The following ZC3H12B variants were observed in gnomAD, a reference collection of about 807,000 sequenced individuals.
The protein encoded by ZC3H12B is probable ribonuclease ZC3H12B.
Under a neutral mutation model 43.9 loss-of-function variants are expected in ZC3H12B, and 7 were observed. The ratio of observed to expected loss-of-function variants is 0.16; its 90% CI spans 0.09 to 0.30. The LOEUF (loss-of-function observed/expected upper bound fraction) is 0.30. Among genes scored for constraint, ZC3H12B ranks in the 10% least tolerant of loss-of-function variants. ZC3H12B has a pLI of 1.00. For missense variants in ZC3H12B, 475 were observed against 670.2 expected (o/e 0.71, Z 3.22); for synonymous variants, 222 against 241.7 (o/e 0.92, Z 0.76).
At chrX:65,155,850 C>T in the ZC3H12B span, among the ~76,000 whole-genome samples, 1 of 109,287 alleles carries the variant, frequency 9.2e-6, no homozygotes, top group Admixed American at 9.8e-5. Flanking sequence ...CAGAGCGAGG[C>T]CTTTTCTAAA....
At chrX:65,089,643 CTT>C in the ZC3H12B span, among the ~76,000 whole-genome samples, 1 of 112,082 alleles carries the variant, frequency 8.9e-6, no homozygotes, top group Non-Finnish European at 1.9e-5. Context: ...ACTTTATAAA[CTT>C]TTAATTTTCT....
the ZC3H12B span, among the ~76,000 whole-genome samples, chrX:65,174,942 A>AC: frequency 2.8e-4 from 31 of 109,418 alleles, no homozygotes; most frequent in African/African-American, 7.6e-4. Context: ...AAACAAACAA[A>AC]AAAAAAAAAC....
the ZC3H12B span, among the ~76,000 whole-genome samples, chrX:65,121,502 T>G: frequency 9.0e-6 from 1 of 111,525 alleles, no homozygotes; most frequent in Non-Finnish European, 1.9e-5. Context: ...TGATATCCAC[T>G]TTATTATTTT....
intron 2 of ZC3H12B, among the ~76,000 whole-genome samples, chrX:65,497,657 T>C (rs747487802): frequency 1.1e-4 from 12 of 111,377 alleles, no homozygotes; most frequent in Non-Finnish European, 1.7e-4. Context: ...GGTTTGCAAA[T>C]TAGGGAATAA....
At chrX:65,480,429 C>A (rs1286106757) in intron 3 of ZC3H12B, among the ~76,000 whole-genome samples, 1 of 112,161 alleles carries the variant, frequency 8.9e-6, no homozygotes, top group Non-Finnish European at 1.9e-5. Flanking sequence ...TCATTTTAAC[C>A]CAACTTACCA....
chrX:65,264,001 G>A, the ZC3H12B span, among the ~76,000 whole-genome samples: 4 of 111,225 alleles, frequency 3.6e-5, no homozygotes, highest in Non-Finnish European at 3.8e-5. Flanking sequence ...ATGAAATAAT[G>A]TATTTTGCAC....
the ZC3H12B span, among the ~76,000 whole-genome samples, chrX:65,302,192 A>T: frequency 5.4e-5 from 6 of 111,652 alleles, no homozygotes; most frequent in Non-Finnish European, 9.4e-5. Flanking sequence ...TGACATGAAA[A>T]GAAAATAGAT....
chrX:65,189,203 A>G, the ZC3H12B span, among the ~76,000 whole-genome samples: 1 of 104,894 alleles, frequency 9.5e-6, no homozygotes, highest in Admixed American at 1.0e-4. Flanking sequence ...TCATTGTTGG[A>G]CATGTGGGTT....
intron 2 of ZC3H12B, among the ~76,000 whole-genome samples, chrX:65,380,645 T>G: frequency 8.9e-6 from 1 of 111,743 alleles, no homozygotes; most frequent in Non-Finnish European, 1.9e-5. Context: ...ATGCTCCAAT[T>G]AAAAGACACA....
the ZC3H12B span, chrX:65,356,927 G>A: frequency 8.8e-5 from 37 of 418,174 alleles, no homozygotes; most frequent in Admixed American, 9.2e-4. Context: ...AAGTTCACAT[G>A]CTAAACTCCC....
chrX:65,096,330 G>A, the ZC3H12B span, among the ~76,000 whole-genome samples: 1 of 111,179 alleles, frequency 9.0e-6, no homozygotes, highest in Non-Finnish European at 1.9e-5. Flanking sequence ...GTTTACCTAT[G>A]TAACAAACCT....
chrX:65,447,533 AG>A (rs1227649638), intron 3 of ZC3H12B, among the ~76,000 whole-genome samples: 1 of 112,181 alleles, frequency 8.9e-6, no homozygotes, highest in Non-Finnish European at 1.9e-5. Flanking sequence ...GTGTAAGCAA[AG>A]AAGTTATGAC....
At chrX:65,190,590 C>A in the ZC3H12B span, among the ~76,000 whole-genome samples, 14 of 106,056 alleles carry the variant, frequency 1.3e-4, no homozygotes, top group African/African-American at 4.8e-4. Context: ...CATGATTTGG[C>A]TCTCTGTTTG....
At chrX:65,122,258 A>G in the ZC3H12B span, among the ~76,000 whole-genome samples, 2 of 110,977 alleles carry the variant, frequency 1.8e-5, no homozygotes, top group Non-Finnish European at 3.8e-5. Context: ...AGAATTTTCA[A>G]CCCAGAATTT....
At chrX:65,170,330 ATTATT>A in the ZC3H12B span, among the ~76,000 whole-genome samples, 3 of 111,662 alleles carry the variant, frequency 2.7e-5, no homozygotes, top group Non-Finnish European at 5.6e-5. Context: ...TGGGTTGAAA[ATTATT>A]TTATTTAAGA....
the ZC3H12B span, among the ~76,000 whole-genome samples, chrX:65,229,587 G>A: frequency 9.1e-6 from 1 of 109,965 alleles, no homozygotes; most frequent in Non-Finnish European, 1.9e-5. Context: ...TTCCGTCAGA[G>A]TGAACAGGCA....
At chrX:65,307,152 TTTA>T in the ZC3H12B span, among the ~76,000 whole-genome samples, 1 of 112,429 alleles carries the variant, frequency 8.9e-6, no homozygotes, top group African/African-American at 3.2e-5. Flanking sequence ...AAATATTTAG[TTTA>T]TTGTTATGTA....
intron 2 of ZC3H12B, among the ~76,000 whole-genome samples, chrX:65,372,223 AG>A (rs1159954811): frequency 1.8e-5 from 2 of 112,113 alleles, no homozygotes; most frequent in Admixed American, 9.6e-5. Context: ...ATCCAGCAAA[AG>A]TATTTTAGAT....
At chrX:65,410,123 A>C (rs1434176130) in intron 3 of ZC3H12B, among the ~76,000 whole-genome samples, 3 of 109,515 alleles carry the variant, frequency 2.7e-5, no homozygotes, top group South Asian at 3.9e-4. Flanking sequence ...AAAAAAAAAA[A>C]AAACAATGGG....
Sources: allele counts gnomAD v4.1 joint callset (sites outside exome capture counted in the v4.1 genomes callset), GRCh38; gene constraint gnomAD v4.1.1; transcripts MANE v1.5; gene names NCBI Gene and HGNC (gene_info 2026-07-23, HGNC 2026-07-21).